The following EP300 variants were observed in gnomAD, a reference collection of about 807,000 sequenced individuals.
EP300 encodes histone acetyltransferase p300.
Under a neutral mutation model 264.0 loss-of-function variants are expected in EP300, and 31 were observed. The observed-to-expected ratio is 0.12, with a 90% CI of 0.09 to 0.16. EP300 has a LOEUF of 0.16. EP300 is among the 10% of genes least tolerant of loss of function. The pLI is 1.00. For missense variants in EP300, 2,766 were observed against 3,052.9 expected (o/e 0.91, Z 2.21); for synonymous variants, 1,340 against 1,045.4 (o/e 1.28, Z -5.44).
chr22:41,141,136 A>G lies in EP300; in HGVS notation c.1967A>G (p.Asn656Ser), dbSNP rs1405828471. Residue 656 changes from asparagine to serine, a missense_variant, in exon 10 of 31, where the codon AAC (asparagine) becomes AGC (serine). Asn to Ser is a conservative substitution (Grantham distance 46). Transcript: ENST00000263253. ...EKRRTRLQKQ[N>S]MLPNAAGMVP... The stretch of plus-strand genomic sequence containing the variant: ...CGAAGGACCAGACTACAGAAGCAGA[A>G]CATGCTACCAAATGCTGCAGGCATG... 6.2e-7 allele frequency: 1 copy of G among 1,614,236 alleles called. No homozygotes were observed. The highest frequency in any genetic ancestry group is 2.2e-5 in the East Asian group (1 of 44,882).
intron 1 of EP300, among the ~76,000 whole-genome samples, chr22:41,097,969 C>T (rs2145672873): frequency 6.6e-6 from 1 of 151,968 alleles, no homozygotes; most frequent in East Asian, 1.9e-4. Context: ...GCTGGGATTA[C>T]AGGCGTGAGC....
chr22:41,146,813 T>C lies in EP300; in HGVS notation c.2128T>C (p.Ser710Pro). 1.9e-6 allele frequency: 3 copies of C among 1,613,952 alleles called. No homozygotes were observed. Among genetic ancestry groups the C allele is most frequent in the South Asian group, 1.1e-5 (1 of 91,078 alleles). The stretch of plus-strand genomic sequence containing the variant: ...GATGATGCCTCGAATAACTCCACAA[T>C]CTGGTAAATAGTGAAAAAAATTTTT... ...NQMMPRITPQ[S>P]GLNQFGQMSM... The change falls in exon 11 of 31, where the codon TCT (serine) becomes CCT (proline). Residue 710 changes from serine (S) to proline (P), a missense_variant. Physicochemically the swap from Ser to Pro is moderately conservative, Grantham distance 74. Coordinates refer to ENST00000263253, the MANE Select transcript of EP300 (RefSeq NM_001429.4).
intron 29 of EP300, chr22:41,174,653 A>AG (rs1474304830): frequency 1.3e-5 from 2 of 151,976 alleles, no homozygotes; most frequent in Non-Finnish European, 2.9e-5. Flanking sequence ...AATTCCTCTC[A>AG]GGGTTTGTCC....
chr22:41,143,562 T>G (rs1170788633), intron 10 of EP300, among the ~76,000 whole-genome samples: 1 of 152,128 alleles, frequency 6.6e-6, no homozygotes, highest in Non-Finnish European at 1.5e-5. Flanking sequence ...AACATTTGTT[T>G]TTTTGTTGTT....
chr22:41,138,022 C>T (rs1298222894), intron 8 of EP300, among the ~76,000 whole-genome samples: 1 of 152,198 alleles, frequency 6.6e-6, no homozygotes, highest in Non-Finnish European at 1.5e-5. Context: ...GTGAACTATT[C>T]TGTCTAGTGA....
chr22:41,125,284 A>T (rs2058875022), intron 2 of EP300, among the ~76,000 whole-genome samples: 1 of 151,436 alleles, frequency 6.6e-6, no homozygotes, highest in African/African-American at 2.4e-5. Flanking sequence ...ACACCCGGCT[A>T]ATTTTTTGTA....
Position 41,150,180 on chromosome 22 carries a change from T to A in EP300, c.2799T>A (p.Pro933=), listed in dbSNP as rs2145737937. ...CTACCCCAACAGCACCGCTGCTTCC[T>A]CCGCAGCCTGCAACTCCAGTAAGTA... ...SVPTPTAPLL[P]PQPATPLSQP... is the part of the protein sequence containing the mutation. The change falls in exon 14 of 31, where the codon CCT becomes CCA. Residue 933 remains proline (P), a synonymous_variant. Coordinates refer to ENST00000263253, the MANE Select transcript of EP300 (RefSeq NM_001429.4). The A allele has an allele frequency of 2.5e-6, 4 of 1,608,596 alleles. No homozygotes were observed. The highest frequency in any genetic ancestry group is 3.4e-6 in the Non-Finnish European group (4 of 1,179,196).
rs1342065014 is a variant in EP300, at chr22:41,106,411, C to T, written c.95-10776C>T. On this transcript the variant is annotated intron_variant, in intron 1 of 30. Transcript: ENST00000263253. ...AAAAAATTCCAAATCTCTAACCTGG[C>T]CTTGGCGCTCTGAGTCTTCTGATCT... Among the ~76,000 whole-genome samples the T allele has an allele frequency of 2.6e-5, 4 of 152,162 alleles. No individual in the cohort carries two copies. The East Asian group carries it at 5.8e-4, about 22-fold the overall frequency.
At chr22:41,163,893 A>G (rs1176547845) in intron 21 of EP300, among the ~76,000 whole-genome samples, 160 bp from the exon 22 acceptor site, 1 of 152,226 alleles carries the variant, frequency 6.6e-6, no homozygotes, top group Non-Finnish European at 1.5e-5. Flanking sequence ...AGCCTGTACA[A>G]CAGAGACCCT....
chr22:41,125,914 T>A lies in EP300; in HGVS notation c.780T>A (p.Asn260Lys), dbSNP rs2145707613. The change falls in exon 3 of 31, where the codon AAT (asparagine) becomes AAA (lysine). Residue 260 changes from asparagine to lysine, a missense_variant. Asn to Lys is a moderately conservative substitution (Grantham distance 94). Coordinates refer to ENST00000263253, the MANE Select transcript of EP300 (RefSeq NM_001429.4). ...CTTATGGTTCACCATATACTCAGAA[T>A]CCTGGACAGCAGATTGGAGCCAGTG... ...PNPYGSPYTQ[N>K]PGQQIGASGL... The A allele has an allele frequency of 1.2e-6, 2 of 1,614,190 alleles. No individual in the cohort carries two copies. Among genetic ancestry groups the A allele is most frequent in the Non-Finnish European group, 1.7e-6 (2 of 1,180,026 alleles).
At chr22:41,135,055 C>G (rs760291230) in intron 6 of EP300, among the ~76,000 whole-genome samples, 1 of 152,108 alleles carries the variant, frequency 6.6e-6, no homozygotes, top group Non-Finnish European at 1.5e-5. Flanking sequence ...ACTAGGCGCA[C>G]ACCACCACCT....
At chr22:41,123,960 C>T (rs1231203102) in intron 2 of EP300, among the ~76,000 whole-genome samples, 1 of 152,124 alleles carries the variant, frequency 6.6e-6, no homozygotes, top group Non-Finnish European at 1.5e-5. Flanking sequence ...TTTTAAAGTA[C>T]AGAGGGAGCC....
intron 29 of EP300, 28 bp from the exon 30 acceptor site, chr22:41,176,219 C>CAA: frequency 6.2e-7 from 1 of 1,611,980 alleles, no homozygotes; most frequent in Non-Finnish European, 8.5e-7. Context: ...GGCCCTGTCT[C>CAA]AAAAAAAAGA....
intron 1 of EP300, among the ~76,000 whole-genome samples, chr22:41,109,253 C>CAA (rs71328769): frequency 0.27 from 31,222 of 115,872 alleles, 4,361 homozygotes; most frequent in Admixed American, 0.43. Context: ...GACCCTGTCT[C>CAA]AAAAAAAAAA....
At chr22:41,109,137 T>C (rs889513581) in intron 1 of EP300, among the ~76,000 whole-genome samples, 1 of 151,756 alleles carries the variant, frequency 6.6e-6, no homozygotes, top group African/African-American at 2.4e-5. Flanking sequence ...GGTGTGGTGA[T>C]GTGTGCCTTT....
chr22:41,168,011 G>A (rs1046306203), intron 23 of EP300, among the ~76,000 whole-genome samples: 4 of 149,426 alleles, frequency 2.7e-5, no homozygotes, highest in East Asian at 2.0e-4. Flanking sequence ...TAGTAGAGAC[G>A]GGGTTTCAGC....
intron 17 of EP300, among the ~76,000 whole-genome samples, chr22:41,155,604 C>T (rs980734420): frequency 6.6e-6 from 1 of 152,140 alleles, no homozygotes; most frequent in African/African-American, 2.4e-5. Flanking sequence ...TGAAAAAAAT[C>T]CTTTACCATT....
intron 1 of EP300, among the ~76,000 whole-genome samples, chr22:41,112,258 C>A (rs2058796463): frequency 6.6e-6 from 1 of 151,724 alleles, no homozygotes; most frequent in African/African-American, 2.4e-5. Flanking sequence ...GGCACTGTCT[C>A]TGCTCACTGC....
chr22:41,171,421 G>C (rs1170824017), intron 27 of EP300, among the ~76,000 whole-genome samples: 2 of 152,088 alleles, frequency 1.3e-5, no homozygotes, highest in East Asian at 3.9e-4. Flanking sequence ...ATTGCAACCT[G>C]TGCCTCCCAG....
Sources: allele counts gnomAD v4.1 joint callset (sites outside exome capture counted in the v4.1 genomes callset), GRCh38; gene constraint gnomAD v4.1.1; transcripts MANE v1.5; gene names NCBI Gene and HGNC (gene_info 2026-07-23, HGNC 2026-07-21).